Variants in MALRD1 observed in about 807,000 individuals in gnomAD.
The protein encoded by MALRD1 is MAM and LDL receptor class A domain containing 1.
Under a neutral mutation model 242.1 loss-of-function variants are expected in MALRD1, and 247 were observed. The ratio of observed to expected loss-of-function variants is 1.02; its 90% CI spans 0.92 to 1.13. The LOEUF (loss-of-function observed/expected upper bound fraction) is 1.13. Ranked by LOEUF, MALRD1 falls within the 50% of genes most tolerant of loss-of-function variation. MALRD1 has a pLI of 0.00. For missense variants in MALRD1, 2,989 were observed against 2,533.1 expected (o/e 1.18, Z -3.86); for synonymous variants, 995 against 866.6 (o/e 1.15, Z -2.60).
intron 1 of MALRD1, among the ~76,000 whole-genome samples, chr10:19,063,688 G>T (rs1004773755): frequency 6.6e-6 from 1 of 150,816 alleles, no homozygotes; most frequent in East Asian, 2.0e-4. Flanking sequence ...GTCTATCATT[G>T]TTGGACATTT....
intron 34 of MALRD1, among the ~76,000 whole-genome samples, chr10:19,596,589 G>A (rs1349210474): frequency 6.6e-6 from 1 of 151,864 alleles, no homozygotes; most frequent in East Asian, 1.9e-4. Context: ...GTAATAACCA[G>A]GTGTGGTGGT....
chr10:19,642,197 G>C (rs915033295), intron 36 of MALRD1, among the ~76,000 whole-genome samples: 3 of 152,106 alleles, frequency 2.0e-5, no homozygotes, highest in African/African-American at 4.8e-5. Flanking sequence ...GTAGAAACCA[G>C]ATGACAGACT....
chr10:19,415,316 A>T (rs1042915840), intron 28 of MALRD1, among the ~76,000 whole-genome samples: 1 of 152,182 alleles, frequency 6.6e-6, no homozygotes, highest in African/African-American at 2.4e-5. Context: ...ATTCATTTCA[A>T]TAAAGGTGGT....
At chr10:19,195,755 AAAAC>A (rs1435966181) in intron 14 of MALRD1, among the ~76,000 whole-genome samples, 2 of 152,052 alleles carry the variant, frequency 1.3e-5, no homozygotes, top group African/African-American at 4.8e-5. Flanking sequence ...TGGAAAAACA[AAAAC>A]AAACAAACAA....
In MALRD1 at chr10:19,204,494, A is replaced by G; in HGVS notation, c.2210+81A>G. The G allele has an allele frequency of 4.6e-6, 4 of 865,942 alleles. No homozygotes were observed. The South Asian group carries it at 7.3e-5, about 16-fold the overall frequency. The allele number at this position is 865,942 out of a possible 1,614,324, so 53.6% of individuals were successfully genotyped here. A position where few individuals can be genotyped will look rare whatever the true frequency, so the allele number is the denominator to read the frequency against. ...TGTTTGCAGGCATACCTCTGCACTTATTCATTTCTGTGGTTTACTGCTGGT... is the reference window on the plus strand; with the variant it reads ...TGTTTGCAGGCATACCTCTGCACTTGTTCATTTCTGTGGTTTACTGCTGGT... On this transcript the variant is annotated intron_variant, in intron 16 of 39. Transcript: ENST00000454679.
intron 14 of MALRD1, among the ~76,000 whole-genome samples, chr10:19,179,098 G>A (rs556236850): frequency 2.0e-4 from 30 of 152,244 alleles, no homozygotes; most frequent in African/African-American, 6.7e-4. Context: ...CAAAACACAA[G>A]AGCAAGGATG....
intron 2 of MALRD1, among the ~76,000 whole-genome samples, chr10:19,081,817 G>A (rs1041564667): frequency 4.6e-5 from 7 of 151,828 alleles, no homozygotes; most frequent in Non-Finnish European, 1.0e-4. Flanking sequence ...TTCATATAGC[G>A]ATTTCAGCTT....
intron 28 of MALRD1, among the ~76,000 whole-genome samples, chr10:19,423,832 T>C (rs1833803090): frequency 6.6e-6 from 1 of 152,170 alleles, no homozygotes; most frequent in South Asian, 2.1e-4. Flanking sequence ...GGGAGGCTGA[T>C]TTCAATCTGC....
In MALRD1 at chr10:19,343,086, C is replaced by T. The variant is rs189727543; in HGVS notation, c.3902-4685C>T. 2.9e-3 allele frequency among the ~76,000 whole-genome samples: 448 copies of T among 151,898 alleles called. 3 individuals carry two copies. The highest frequency in any genetic ancestry group is 0.01 in the African/African-American group (417 of 41,474). On this transcript the variant is annotated intron_variant, in intron 24 of 39. Coordinates refer to ENST00000454679, the MANE Select transcript of MALRD1 (RefSeq NM_001142308.3). The stretch of plus-strand genomic sequence containing the variant: ...TTTCTTTGTAGGAACACAAATATGC[C>T]CTTTATAGGACGGTCATTCTGTATA...
At chr10:19,303,887 T>C (rs1842055569) in intron 21 of MALRD1, among the ~76,000 whole-genome samples, 1 of 151,718 alleles carries the variant, frequency 6.6e-6, no homozygotes, top group African/African-American at 2.4e-5. Flanking sequence ...TTATTTCAAA[T>C]ATACTTAAAA....
chr10:19,581,866 T>C (rs1564457205), intron 33 of MALRD1, among the ~76,000 whole-genome samples: 1 of 152,064 alleles, frequency 6.6e-6, no homozygotes, highest in Non-Finnish European at 1.5e-5. Flanking sequence ...TTTCTCCACA[T>C]CCTCTCCAGC....
chr10:19,700,021 G>GACACACACAC (rs58040272), intron 38 of MALRD1, among the ~76,000 whole-genome samples: 42 of 141,270 alleles, frequency 3.0e-4, no homozygotes, highest in African/African-American at 1.1e-3. Context: ...AATTGATTTA[G>GACACACACAC]ACACACACAC....
chr10:19,226,067 G>A (rs1491001605), intron 18 of MALRD1, among the ~76,000 whole-genome samples: 4 of 152,084 alleles, frequency 2.6e-5, no homozygotes, highest in Non-Finnish European at 5.9e-5. Context: ...AAAAATGACA[G>A]ACTGATAACC....
intron 14 of MALRD1, among the ~76,000 whole-genome samples, chr10:19,201,640 G>A (rs917767505): frequency 3.3e-5 from 5 of 152,154 alleles, no homozygotes; most frequent in Admixed American, 2.0e-4. Flanking sequence ...TGAAAACCCT[G>A]GACTCTATGT....
At chr10:19,389,163 C>A in intron 27 of MALRD1, 3 of 472,608 alleles carry the variant, frequency 6.3e-6, no homozygotes, top group Middle Eastern at 3.1e-4. Flanking sequence ...TTTGGGAAAT[C>A]TATAAAATAA....
At chr10:19,521,943 T>C (rs183661911) in intron 31 of MALRD1, among the ~76,000 whole-genome samples, 1 of 149,388 alleles carries the variant, frequency 6.7e-6, no homozygotes, top group East Asian at 1.9e-4. Flanking sequence ...GTCAGCTCTC[T>C]TTCTCAGCTG....
At chr10:19,540,468 G>T (rs4381258) in intron 32 of MALRD1, among the ~76,000 whole-genome samples, 126,639 of 152,130 alleles carry the variant, frequency 0.83, 52,755 homozygotes, top group Admixed American at 0.85. Context: ...ATATGAATAA[G>T]GAACCAATGA....
Position 19,283,997 on chromosome 10 carries a change from G to A in MALRD1, c.3419+816G>A, listed in dbSNP as rs1014489405. ...GTGTTAACTGCTACACAGCAGAAGGGAAACAAGGAAAGGGTTTGTTAGTGA... is the reference window on the plus strand; with the variant it reads ...GTGTTAACTGCTACACAGCAGAAGGAAAACAAGGAAAGGGTTTGTTAGTGA... On this transcript the variant is annotated intron_variant, in intron 21 of 39. Transcript: ENST00000454679. Among the ~76,000 whole-genome samples, 3 of 152,170 alleles carry A rather than the reference G, an allele frequency of 2.0e-5. No homozygotes were observed. The South Asian group carries it at 6.2e-4, about 32-fold the overall frequency.
In MALRD1 at chr10:19,185,045, T is replaced by C. The variant is rs552254515; in HGVS notation, c.1951+9717T>C. ...CTATTTTTGTGAACAAATACTTTGT[T>C]TCCTCAAGACTAAAATAAATAATGC... On this transcript the variant is annotated intron_variant, in intron 14 of 39. Transcript: ENST00000454679. Among the ~76,000 whole-genome samples, 33 of 152,348 alleles carry C rather than the reference T, an allele frequency of 2.2e-4. No individual in the cohort carries two copies. The East Asian group carries it at 5.8e-3, about 27-fold the overall frequency.
Sources: gnomAD v4.1 joint callset for allele counts (sites outside exome capture counted in the v4.1 genomes callset) on GRCh38, gnomAD v4.1.1 for gene constraint, MANE v1.5 for transcripts, NCBI Gene and HGNC (gene_info 2026-07-23, HGNC 2026-07-21) for gene names.